DPF3: variants seen among roughly 807,000 people sequenced by gnomAD.
The protein encoded by DPF3 is double PHD fingers 3, also known as zinc finger protein DPF3.
In DPF3, 18 loss-of-function variants were observed where a neutral mutation model predicts 56.8. The ratio of observed to expected loss-of-function variants is 0.32; its 90% confidence interval spans 0.22 to 0.47. The LOEUF (loss-of-function observed/expected upper bound fraction) is 0.47. DPF3 is among the 20% of genes least tolerant of loss of function. The probability of loss-of-function intolerance (pLI) is 1.00; values close to 1 mark genes in which losing one functional copy is unlikely to be tolerated. For missense variants in DPF3, 403 were observed against 488.8 expected (o/e 0.82, Z 1.65); for synonymous variants, 188 against 180.2 (o/e 1.04, Z -0.35).
intron 3 of DPF3, among the ~76,000 whole-genome samples, chr14:72,744,842 G>A (rs1013918909): frequency 2.3e-4 from 35 of 152,124 alleles, no homozygotes; most frequent in Non-Finnish European, 4.3e-4. Context: ...AGAGTCTGAC[G>A]TGGAAAGAAA....
intron 1 of DPF3, among the ~76,000 whole-genome samples, chr14:72,872,766 C>T (rs1308453224): frequency 3.3e-5 from 5 of 152,050 alleles, no homozygotes; most frequent in Admixed American, 6.6e-5. Context: ...GAAATAATGC[C>T]GCATATCTAC....
At chr14:72,857,586 T>G (rs2140092398) in intron 1 of DPF3, among the ~76,000 whole-genome samples, 1 of 152,076 alleles carries the variant, frequency 6.6e-6, no homozygotes, top group South Asian at 2.1e-4. Context: ...GTTTTTTTGT[T>G]TGTTTGTTTG....
At chr14:72,814,804 C>T (rs1325997866) in intron 1 of DPF3, among the ~76,000 whole-genome samples, 1 of 149,664 alleles carries the variant, frequency 6.7e-6, no homozygotes, top group Admixed American at 6.6e-5. Context: ...AGCGAGACTC[C>T]GTCTCCAAAA....
intron 8 of DPF3, among the ~76,000 whole-genome samples, chr14:72,663,368 C>T (rs1356406110): frequency 6.6e-6 from 1 of 152,118 alleles, no homozygotes; most frequent in South Asian, 2.1e-4. Flanking sequence ...CCCAAAAGGA[C>T]ACTGCTTCCT....
intron 1 of DPF3, among the ~76,000 whole-genome samples, chr14:72,832,932 G>A (rs77818952): frequency 6.6e-6 from 1 of 152,206 alleles, no homozygotes; most frequent in Non-Finnish European, 1.5e-5. Flanking sequence ...TATGGCTGAA[G>A]TAAGGTCTGA....
At chr14:72,792,642 C>T (rs1396459969) in intron 1 of DPF3, among the ~76,000 whole-genome samples, 1 of 152,000 alleles carries the variant, frequency 6.6e-6, no homozygotes, top group Non-Finnish European at 1.5e-5. Context: ...CCCAGGGTAA[C>T]AAAGTACTCC....
chr14:72,669,889 G>C, intron 8 of DPF3: 1 of 985,888 alleles, frequency 1.0e-6, no homozygotes, highest in Non-Finnish European at 1.2e-6. Context: ...AAAAGAAAAA[G>C]AAAACTAAAA....
At chr14:72,807,794 C>G (rs1030565380) in intron 1 of DPF3, among the ~76,000 whole-genome samples, 1 of 152,096 alleles carries the variant, frequency 6.6e-6, no homozygotes, top group African/African-American at 2.4e-5. Context: ...TAGGAAGACC[C>G]CATCTCTACA....
intron 1 of DPF3, among the ~76,000 whole-genome samples, chr14:72,873,913 G>A (rs1227922043): frequency 2.0e-5 from 3 of 151,422 alleles, no homozygotes; most frequent in Admixed American, 1.3e-4. Context: ...TCACACACCG[G>A]GGCCTGTTGT....
At chr14:72,684,340 T>C (rs1200386999) in intron 7 of DPF3, among the ~76,000 whole-genome samples, 1 of 152,138 alleles carries the variant, frequency 6.6e-6, no homozygotes, top group Non-Finnish European at 1.5e-5. Flanking sequence ...AGCCACAGCC[T>C]GCTTTAGAGG....
At chr14:72,649,093 A>G (rs907002562) in intron 8 of DPF3, among the ~76,000 whole-genome samples, 3 of 151,684 alleles carry the variant, frequency 2.0e-5, no homozygotes, top group African/African-American at 7.3e-5. Flanking sequence ...CTTCCCCTCA[A>G]TGTCTTCTAT....
chr14:72,814,763 T>G lies in DPF3; in HGVS notation c.33-42870A>C, dbSNP rs1020158266. On this transcript the variant is annotated intron_variant, in intron 1 of 10. Coordinates refer to ENST00000556509, the MANE Select transcript of DPF3 (RefSeq NM_001280542.3). ...AGGCAGATGTTGCAGTGAGCCGAGA[T>G]CGCGCCACTGCACTCCAGCCTAGGC... Among the ~76,000 whole-genome samples, 2 of 150,994 alleles carry G rather than the reference T, an allele frequency of 1.3e-5. 1 individual carries two copies. Among genetic ancestry groups the G allele is most frequent in the African/African-American group, 4.9e-5 (2 of 40,968 alleles).
chr14:72,809,849 C>T (rs890095856), intron 1 of DPF3, among the ~76,000 whole-genome samples: 1 of 152,222 alleles, frequency 6.6e-6, no homozygotes, highest in Admixed American at 6.5e-5. Context: ...ACTAGAGGTT[C>T]TAGAAGCAAG....
chr14:72,886,416 G>GGTT (rs1243713703), intron 1 of DPF3, among the ~76,000 whole-genome samples: 1 of 152,128 alleles, frequency 6.6e-6, no homozygotes, highest in Non-Finnish European at 1.5e-5. Flanking sequence ...TGGTGGTGAT[G>GGTT]GTTGCACAAG....
At chr14:72,840,547 A>T (rs907670905) in intron 1 of DPF3, among the ~76,000 whole-genome samples, 2 of 152,086 alleles carry the variant, frequency 1.3e-5, no homozygotes, top group African/African-American at 2.4e-5. Flanking sequence ...ACACACACTG[A>T]ATAGTGAAGT....
chr14:72,886,883 G>C (rs1303048478), intron 1 of DPF3, among the ~76,000 whole-genome samples: 1 of 152,104 alleles, frequency 6.6e-6, no homozygotes, highest in Non-Finnish European at 1.5e-5. Flanking sequence ...GTAGGGGCTA[G>C]TTCCACACAA....
chr14:72,783,621 C>A (rs562861654), intron 1 of DPF3, among the ~76,000 whole-genome samples: 2 of 152,350 alleles, frequency 1.3e-5, no homozygotes, highest in Admixed American at 6.5e-5. Flanking sequence ...CATGGCCACC[C>A]ACATACCCCA....
At chr14:72,706,421 A>G (rs1888405439) in intron 6 of DPF3, among the ~76,000 whole-genome samples, 1 of 152,192 alleles carries the variant, frequency 6.6e-6, no homozygotes, top group South Asian at 2.1e-4. Flanking sequence ...CCTTCCAAGC[A>G]TATTGGAGAA....
chr14:72,658,615 T>C (rs1886120903), intron 8 of DPF3, among the ~76,000 whole-genome samples: 1 of 152,144 alleles, frequency 6.6e-6, no homozygotes, highest in Admixed American at 6.5e-5. Context: ...AAGAAATGGA[T>C]AGGGGAATGT....
Sources: allele counts gnomAD v4.1 joint callset (sites outside exome capture counted in the v4.1 genomes callset), GRCh38; gene constraint gnomAD v4.1.1; transcripts MANE v1.5; gene names NCBI Gene and HGNC (gene_info 2026-07-23, HGNC 2026-07-21).